Variants in NPEPPS observed in about 807,000 individuals in gnomAD.
NPEPPS encodes aminopeptidase puromycin sensitive.
Under a neutral mutation model 115.5 loss-of-function variants are expected in NPEPPS, and 14 were observed. That is an observed-to-expected ratio of 0.12 (90% CI 0.08 to 0.19). The LOEUF (loss-of-function observed/expected upper bound fraction) is 0.19, where lower values mean the gene tolerates loss of function less well. Among genes scored for constraint, NPEPPS ranks in the 10% least tolerant of loss-of-function variants. The pLI is 1.00. For missense variants in NPEPPS, 523 were observed against 1,110.8 expected (o/e 0.47, Z 7.52); for synonymous variants, 285 against 390.6 (o/e 0.73, Z 3.19).
At chr17:47,572,652 A>G (rs1460811706) in intron 3 of NPEPPS, among the ~76,000 whole-genome samples, 1 of 152,246 alleles carries the variant, frequency 6.6e-6, no homozygotes, top group East Asian at 1.9e-4. Context: ...TAAAAGATGA[A>G]GTTGAGGAAA....
In NPEPPS at chr17:47,613,777, A is replaced by G. The variant is rs1417008881; in HGVS notation, c.2295+52A>G. 3.0e-6 allele frequency: 4 copies of G among 1,339,078 alleles called. No homozygotes were observed. In the East Asian group the frequency reaches 9.2e-5, roughly 31 times the overall value. 82.9% of individuals were successfully genotyped at this position (1,339,078 alleles called of 1,614,324 possible). On this transcript the variant is annotated intron_variant, in intron 19 of 22. Coordinates refer to ENST00000322157, the MANE Select transcript of NPEPPS (RefSeq NM_006310.4). ...TTCCTGCTTTTGAACTTGGATAGAC[A>G]CACAGTAAACCTCTAAATGGTTAAA...
chr17:47,556,294 A>G (rs1203070827), intron 2 of NPEPPS, among the ~76,000 whole-genome samples: 1 of 151,294 alleles, frequency 6.6e-6, no homozygotes, highest in Non-Finnish European at 1.5e-5. Context: ...CTTAACGAGC[A>G]TGCTACCTTC....
At chr17:47,544,116 G>A (rs1264375127) in intron 1 of NPEPPS, among the ~76,000 whole-genome samples, 2 of 151,962 alleles carry the variant, frequency 1.3e-5, no homozygotes, top group Non-Finnish European at 2.9e-5. Context: ...GGATGGTCTC[G>A]ATCTCCTGAC....
chr17:47,529,737 TTATATATATATATATA>T (rs56043348), upstream of NPEPPS, among the ~76,000 whole-genome samples: 686 of 25,658 alleles, frequency 0.027, 152 homozygotes, highest in Non-Finnish European at 0.059. Flanking sequence ...TTCAGTTACA[TTATATATATATATATA>T]TATATATATA....
chr17:47,575,668 G>A (rs1178410560), intron 3 of NPEPPS, among the ~76,000 whole-genome samples: 9 of 150,926 alleles, frequency 6.0e-5, no homozygotes, highest in South Asian at 2.1e-4. Context: ...GCAGTGGCGC[G>A]ATCTCAGCTC....
intron 1 of NPEPPS, among the ~76,000 whole-genome samples, chr17:47,544,146 G>A (rs1380874355): frequency 2.6e-5 from 4 of 151,686 alleles, no homozygotes; most frequent in African/African-American, 9.7e-5. Flanking sequence ...CGCCTGCCTC[G>A]GCCTCCCAAA....
intron 14 of NPEPPS, among the ~76,000 whole-genome samples, 177 bp downstream of exon 14, chr17:47,599,916 C>T (rs1913089887): frequency 6.6e-6 from 1 of 151,888 alleles, no homozygotes; most frequent in South Asian, 2.1e-4. Flanking sequence ...CTCCTGGGTT[C>T]AAGCAATTCT....
At chr17:47,567,805 G>A (rs1910924421) in intron 2 of NPEPPS, among the ~76,000 whole-genome samples, 1 of 151,744 alleles carries the variant, frequency 6.6e-6, no homozygotes, top group South Asian at 2.1e-4. Context: ...TGTTTTCAAG[G>A]TTATTTACGT....
At chr17:47,593,060 T>G (rs1912613384) in intron 12 of NPEPPS, among the ~76,000 whole-genome samples, 1 of 152,130 alleles carries the variant, frequency 6.6e-6, no homozygotes, top group Admixed American at 6.5e-5. Context: ...TTTTGGATAT[T>G]CCAATTATAG....
intron 1 of NPEPPS, among the ~76,000 whole-genome samples, chr17:47,535,440 A>G (rs1248138198): frequency 1.1e-4 from 15 of 130,994 alleles, no homozygotes; most frequent in East Asian, 4.9e-4. Context: ...AGTCCCAGCT[A>G]CTCGGGAGGC....
chr17:47,583,364 C>T (rs1379469514), intron 5 of NPEPPS, among the ~76,000 whole-genome samples: 25 of 152,028 alleles, frequency 1.6e-4, no homozygotes, highest in South Asian at 4.2e-4. Flanking sequence ...GTAGGCAGAT[C>T]GCTTGAGGTC....
intron 3 of NPEPPS, among the ~76,000 whole-genome samples, chr17:47,575,271 G>A (rs1911445653): frequency 6.6e-6 from 1 of 152,034 alleles, no homozygotes; most frequent in South Asian, 2.1e-4. Flanking sequence ...TAAGAACACA[G>A]AAATCACCAT....
rs761057000 is a variant in NPEPPS, at chr17:47,619,144, T to C, written c.2539T>C (p.Leu847=). 6.2e-7 allele frequency: 1 copy of C among 1,613,614 alleles called. No homozygotes were observed. The highest frequency in any genetic ancestry group is 8.5e-7 in the Non-Finnish European group (1 of 1,179,676). The part of the protein sequence containing the change: ...ELYNRYQGGF[L]ISRLIKLSVE... ...TTATAACCGATACCAGGGAGGATTCTTAATATCCAGACTAATAAAGGTATG... is the reference window on the plus strand; with the variant it reads ...TTATAACCGATACCAGGGAGGATTCCTAATATCCAGACTAATAAAGGTATG... Residue 847 remains leucine, a synonymous_variant, in exon 21 of 23, where the codon TTA becomes CTA. Coordinates refer to ENST00000322157, the MANE Select transcript of NPEPPS (RefSeq NM_006310.4).
chr17:47,560,697 G>A (rs1387445108), intron 2 of NPEPPS, among the ~76,000 whole-genome samples: 2 of 152,168 alleles, frequency 1.3e-5, no homozygotes, highest in African/African-American at 4.8e-5. Context: ...GAGAAACAAA[G>A]TATGTTCCAA....
At chr17:47,603,475 C>CT (rs1306076115) in intron 15 of NPEPPS, 1 of 152,612 alleles carries the variant, frequency 6.6e-6, no homozygotes, top group Non-Finnish European at 1.5e-5. Flanking sequence ...ATGAAATTGC[C>CT]TTTTAGGTCC....
intron 1 of NPEPPS, among the ~76,000 whole-genome samples, chr17:47,536,734 G>A (rs1201011626): frequency 8.1e-6 from 1 of 124,128 alleles, no homozygotes; most frequent in African/African-American, 3.0e-5. Flanking sequence ...TTTTTGAGAC[G>A]GAGTTTTGCT....
At chr17:47,596,174 T>C (rs751172797) in intron 12 of NPEPPS, 179 bp from the exon 13 acceptor site, 9 of 479,012 alleles carry the variant, frequency 1.9e-5, no homozygotes, top group African/African-American at 5.9e-5. Context: ...GTTTTTATGA[T>C]AGAATTTACT....
Position 47,569,504 on chromosome 17 carries a change from A to C in NPEPPS, c.418+10A>C. 1.6e-6 allele frequency: 2 copies of C among 1,228,518 alleles called. No homozygotes were observed. The highest frequency in any genetic ancestry group is 2.4e-6 in the Non-Finnish European group (2 of 848,312). 76.1% of individuals were successfully genotyped at this position (1,228,518 alleles called of 1,614,324 possible). A position where few individuals can be genotyped will look rare whatever the true frequency, so the allele number is the denominator to read the frequency against. The stretch of plus-strand genomic sequence containing the variant: ...AGTACTCTGCAAACAGGTAAGAGAC[A>C]TAGCTTTTGTAAAATCTCGTGATGA... On this transcript the variant is annotated intron_variant, in intron 3 of 22. Transcript: ENST00000322157.
intron 2 of NPEPPS, among the ~76,000 whole-genome samples, chr17:47,553,983 C>T (rs1909828737): frequency 6.6e-6 from 1 of 151,708 alleles, no homozygotes; most frequent in Non-Finnish European, 1.5e-5. Flanking sequence ...ATCTTCTGAC[C>T]TCGTGATCTG....
Sources: allele counts gnomAD v4.1 joint callset (sites outside exome capture counted in the v4.1 genomes callset), GRCh38; gene constraint gnomAD v4.1.1; transcripts MANE v1.5; gene names NCBI Gene and HGNC (gene_info 2026-07-23, HGNC 2026-07-21).